F11R: variants seen among roughly 807,000 people sequenced by gnomAD.
F11R encodes junctional adhesion molecule A.
Under a neutral mutation model 39.3 loss-of-function variants are expected in F11R, and 27 were observed. That is an observed-to-expected ratio of 0.69 (90% CI 0.51 to 0.95). F11R has a LOEUF of 0.95. Ranked by LOEUF, F11R falls within the 40% of genes least tolerant of loss-of-function variation. F11R has a pLI of 0.00. For missense variants in F11R, 335 were observed against 372.7 expected (o/e 0.90, Z 0.83); for synonymous variants, 131 against 144.9 (o/e 0.90, Z 0.69).
At chr1:161,003,786 T>C (rs1364626645) in intron 1 of F11R, among the ~76,000 whole-genome samples, 1 of 151,732 alleles carries the variant, frequency 6.6e-6, no homozygotes, top group African/African-American at 2.4e-5. Context: ...TTTTTTAAGA[T>C]GGAGTTTTGT....
Position 161,001,055 on chromosome 1 carries a change from G to C in F11R, c.206C>G (p.Thr69Ser). 2 of 1,614,154 alleles carry C rather than the reference G, an allele frequency of 1.2e-6. No homozygotes were observed. The highest frequency in any genetic ancestry group is 8.5e-7 in the Non-Finnish European group (1 of 1,180,028). Residue 69 changes from threonine to serine, a missense_variant, in exon 3 of 10, where the codon ACC becomes AGC. Transcript: ENST00000368026. ...RVEWKFDQGD[T>S]TRLVCYNNKI... ...GTTATTATAGCAAACGAGTCTGGTG[G>C]TGTCTCCTTGGTCAAACTTCCACTC...
In F11R at chr1:160,996,091, T is replaced by C. The variant is rs1178751130; in HGVS notation, c.*2780A>G. 6.6e-6 allele frequency: 1 copy of C among 152,354 alleles called. No homozygotes were observed. Among genetic ancestry groups the C allele is most frequent in the Non-Finnish European group, 1.5e-5 (1 of 68,040 alleles). The allele number at this position is 152,354 out of a possible 1,614,324, so 9.4% of individuals were successfully genotyped here. ...TAATTATCAAGGTAATGGAAAGATATCCTAATCTCTTAATTAACAAGACTA... is the reference window on the plus strand; with the variant it reads ...TAATTATCAAGGTAATGGAAAGATACCCTAATCTCTTAATTAACAAGACTA... On this transcript the variant is annotated 3_prime_UTR_variant, in exon 10 of 10. Coordinates refer to ENST00000368026, the MANE Select transcript of F11R (RefSeq NM_016946.6).
chr1:161,020,606 C>T (rs1557897197), intron 1 of F11R, among the ~76,000 whole-genome samples: 2 of 152,206 alleles, frequency 1.3e-5, no homozygotes, highest in Admixed American at 6.5e-5. Context: ...GGCTGCGCAG[C>T]GGGGTTCGTG....
rs899401330 is a variant in F11R, at chr1:161,019,488, G to A, written c.64+1522C>T. Among the ~76,000 whole-genome samples, 52 of 151,808 alleles carry A rather than the reference G, an allele frequency of 3.4e-4. 1 individual carries two copies. The highest frequency in any genetic ancestry group is 1.2e-3 in the African/African-American group (49 of 41,286). On this transcript the variant is annotated intron_variant, in intron 1 of 9. Transcript: ENST00000368026. ...TGCATGCCTGTAATTCCAGCTACTC[G>A]GGAGGCTGAGGCAGGAGAATCGCTT... is the stretch of plus-strand genomic sequence containing the variant.
At chr1:161,000,609 C>T (rs1383525622) in intron 4 of F11R, 22 bp downstream of exon 4, 4 of 1,613,988 alleles carry the variant, frequency 2.5e-6, no homozygotes, top group Non-Finnish European at 1.7e-6. Context: ...CCAGGCCCAC[C>T]CAGAAGACAT....
chr1:161,006,683 T>C (rs894900951), intron 1 of F11R, among the ~76,000 whole-genome samples: 3 of 152,220 alleles, frequency 2.0e-5, no homozygotes, highest in Non-Finnish European at 4.4e-5. Context: ...CAGGATTAAC[T>C]ACGTCTGCCT....
chr1:161,008,233 C>T (rs1045889813), intron 1 of F11R, among the ~76,000 whole-genome samples: 1 of 152,040 alleles, frequency 6.6e-6, no homozygotes, highest in African/African-American at 2.4e-5. Context: ...CGGTGACTCA[C>T]GCCTGTAATC....
Position 161,001,137 on chromosome 1 carries a change from G to A in F11R, c.134-10C>T, listed in dbSNP as rs971601036. On this transcript the variant is annotated splice_polypyrimidine_tract_variant and intron_variant, in intron 2 of 9. Coordinates refer to ENST00000368026, the MANE Select transcript of F11R (RefSeq NM_016946.6). ...CAGGACAACTTCACAGCTGCAGACA[G>A]GGTCAAAATGAGCCGAAGGAAGAAG... 6.2e-7 allele frequency: 1 copy of A among 1,612,904 alleles called. No homozygotes were observed. The highest frequency in any genetic ancestry group is 1.3e-5 in the African/African-American group (1 of 75,008).
At chr1:161,012,467 A>AAACATAAAAGAAGAAATAC (rs1230718221) in intron 1 of F11R, among the ~76,000 whole-genome samples, 20 of 151,944 alleles carry the variant, frequency 1.3e-4, no homozygotes, top group African/African-American at 4.8e-4. Flanking sequence ...ATCAATAACA[A>AAACATAAAAGAAGAAATAC]AACATAAAAG....
chr1:161,001,285 G>T lies in F11R; in HGVS notation c.133C>A (p.Pro45Thr). Residue 45 changes from proline (P) to threonine (T), a missense_variant and splice_region_variant, in exon 2 of 10, where the codon CCT (proline) becomes ACT (threonine). Pro to Thr is a conservative substitution (Grantham distance 38). Coordinates refer to ENST00000368026, the MANE Select transcript of F11R (RefSeq NM_016946.6). ...CCCTCCATGGCCCCTCCCAACTCAC[G>T]ATTATTCTCAGGAATTCTGACTTCA... ...EPEVRIPENNPVKLSCAYSGF... is the reference protein window; with the variant it reads ...EPEVRIPENNTVKLSCAYSGF... The T allele has an allele frequency of 6.2e-7, 1 of 1,613,906 alleles. No homozygotes were observed. Among genetic ancestry groups the T allele is most frequent in the Non-Finnish European group, 8.5e-7 (1 of 1,179,992 alleles).
At chr1:161,000,569 A>G in intron 4 of F11R, 62 bp downstream of exon 4, 2 of 1,605,990 alleles carry the variant, frequency 1.2e-6, no homozygotes, top group South Asian at 2.2e-5. Flanking sequence ...TCCAAAGTGC[A>G]GCAGAGCCTG....
rs1648089582 is a variant in F11R at position 160,995,886 on chromosome 1, T to A, written c.*2985A>T. On this transcript the variant is annotated 3_prime_UTR_variant, in exon 10 of 10. Coordinates refer to ENST00000368026, the MANE Select transcript of F11R (RefSeq NM_016946.6). ...AAAAACGACAGGAACAACAAACACA[T>A]CCTTAACACTCAATCATTTTATCCC... 6.6e-6 allele frequency: 1 copy of A among 152,214 alleles called. No homozygotes were observed. The highest frequency in any genetic ancestry group is 1.5e-5 in the Non-Finnish European group (1 of 68,014). The allele number at this position is 152,214 out of a possible 1,614,324, so 9.4% of individuals were successfully genotyped here. A position where few individuals can be genotyped will look rare whatever the true frequency, so the allele number is the denominator to read the frequency against.
At chr1:161,010,451 A>AAAAAAAAAAAC in intron 1 of F11R, among the ~76,000 whole-genome samples, 1 of 151,282 alleles carries the variant, frequency 6.6e-6, no homozygotes, top group Non-Finnish European at 1.5e-5. Context: ...CAAAAAAAAA[A>AAAAAAAAAAAC]AAAAAACAGT....
Position 160,998,592 on chromosome 1 carries a change from T to A in F11R, c.*279A>T. On this transcript the variant is annotated 3_prime_UTR_variant, in exon 10 of 10. Coordinates refer to ENST00000368026, the MANE Select transcript of F11R (RefSeq NM_016946.6). The stretch of plus-strand genomic sequence containing the variant: ...GCTGTCTACTTAGAAGGGAAGTCAA[T>A]GGCATACCCAGGATTCCTTCCTGAT... The A allele has an allele frequency of 1.7e-6, 1 of 572,622 alleles. No individual in the cohort carries two copies. The highest frequency in any genetic ancestry group is 3.1e-6 in the Non-Finnish European group (1 of 322,876). 35.5% of individuals were successfully genotyped at this position (572,622 alleles called of 1,614,324 possible). A position where few individuals can be genotyped will look rare whatever the true frequency, so the allele number is the denominator to read the frequency against.
At chr1:160,998,942 T>C (rs1231746669) in intron 9 of F11R, 36 bp from the exon 10 acceptor site, 1 of 1,613,800 alleles carries the variant, frequency 6.2e-7, no homozygotes, top group Non-Finnish European at 8.5e-7. Context: ...CTCTCAATAG[T>C]CTTCTTTAGC....
intron 1 of F11R, among the ~76,000 whole-genome samples, chr1:161,020,240 CAT>C (rs376929793): frequency 6.6e-6 from 1 of 152,170 alleles, no homozygotes; most frequent in African/African-American, 2.4e-5. Flanking sequence ...CAAAAACTCT[CAT>C]ACACAGCCAG....
At chr1:161,000,551 C>A in intron 4 of F11R, 80 bp downstream of exon 4, 1 of 1,586,174 alleles carries the variant, frequency 6.3e-7, no homozygotes, top group Non-Finnish European at 8.6e-7. Flanking sequence ...TTCTCACCAT[C>A]AAAGAGCTCC....
At chr1:161,019,124 C>T (rs1464486958) in intron 1 of F11R, among the ~76,000 whole-genome samples, 1 of 152,030 alleles carries the variant, frequency 6.6e-6, no homozygotes, top group Non-Finnish European at 1.5e-5. Flanking sequence ...AACTTCTGGG[C>T]TTAGGGGAAA....
chr1:161,006,074 G>C (rs1391872241), intron 1 of F11R, among the ~76,000 whole-genome samples: 1 of 151,618 alleles, frequency 6.6e-6, no homozygotes, highest in Non-Finnish European at 1.5e-5. Context: ...GGAGGCGAAG[G>C]TTGCCGTGAG....
Sources: allele counts gnomAD v4.1 joint callset (sites outside exome capture counted in the v4.1 genomes callset), GRCh38; gene constraint gnomAD v4.1.1; transcripts MANE v1.5; gene names NCBI Gene and HGNC (gene_info 2026-07-23, HGNC 2026-07-21).